MIOS: variants seen among roughly 807,000 people sequenced by gnomAD.
The protein encoded by MIOS is GATOR2 complex protein MIOS.
A neutral mutation model predicts 96.9 loss-of-function variants in MIOS; 52 were observed. That is an observed-to-expected ratio of 0.54 (90% CI 0.43 to 0.68). The LOEUF (loss-of-function observed/expected upper bound fraction) is 0.68. MIOS is among the 30% of genes least tolerant of loss of function. The pLI is 0.00. For missense variants in MIOS, 1,005 were observed against 1,052.8 expected, an observed-to-expected ratio of 0.95 and a Z score of 0.63; for synonymous variants, 397 against 359.5, an observed-to-expected ratio of 1.10 and a Z score of -1.18.
chr7:7,598,546 G>C (rs1411040728), intron 11 of MIOS, among the ~76,000 whole-genome samples: 2 of 148,976 alleles, frequency 1.3e-5, no homozygotes, highest in African/African-American at 5.2e-5. Flanking sequence ...CTAATAAACA[G>C]AAAATAACAA....
At chr7:7,594,655 G>A (rs1483480053) in intron 9 of MIOS, among the ~76,000 whole-genome samples, 2 of 152,128 alleles carry the variant, frequency 1.3e-5, no homozygotes, top group Non-Finnish European at 2.9e-5. Context: ...TTTAATTGCT[G>A]GGACAAAGGG....
Position 7,596,412 on chromosome 7 carries a change from A to G in MIOS, c.2352A>G (p.Arg784=). The G allele has an allele frequency of 1.9e-6, 3 of 1,614,128 alleles. No homozygotes were observed. The highest frequency in any genetic ancestry group is 2.5e-6 in the Non-Finnish European group (3 of 1,180,018). The change falls in exon 11 of 13, where the codon CGA becomes CGG. Residue 784 remains arginine, a synonymous_variant. Coordinates refer to ENST00000340080, the MANE Select transcript of MIOS (RefSeq NM_019005.4). ...CTGGCTGTCGAAAACCACTTCCTCG[A>G]TGTGCGCTTTGTCTCATTAATATGG... ...SCPGCRKPLP[R]CALCLINMGT...
intron 5 of MIOS, among the ~76,000 whole-genome samples, chr7:7,577,770 G>T (rs1187976380): frequency 1.3e-5 from 2 of 152,188 alleles, no homozygotes; most frequent in African/African-American, 4.8e-5. Flanking sequence ...TATGGCTGCT[G>T]TTGAGAAGGA....
intron 11 of MIOS, among the ~76,000 whole-genome samples, chr7:7,602,097 C>G (rs569931813): frequency 6.6e-6 from 1 of 152,126 alleles, no homozygotes; most frequent in Admixed American, 6.5e-5. Flanking sequence ...CTATCTATGA[C>G]ACACCCACAG....
intron 7 of MIOS, among the ~76,000 whole-genome samples, chr7:7,587,281 A>G (rs2115425699): frequency 6.6e-6 from 1 of 152,128 alleles, no homozygotes; most frequent in East Asian, 1.9e-4. Context: ...TGGCCTCCCA[A>G]AGTGCTGGGA....
Position 7,588,533 on chromosome 7 carries a change from A to G in MIOS, c.1854A>G (p.Ala618=). Reference sequence around the variant, plus strand: ...AAGTTGCAGTACGTGACAGAGTGGCATTTGCTTGTAAATTCCTTAGTGATA... The same window carrying G: ...AAGTTGCAGTACGTGACAGAGTGGCGTTTGCTTGTAAATTCCTTAGTGATA... ...ENKVAVRDRV[A]FACKFLSDTQ... Residue 618 remains alanine, a synonymous_variant, in exon 8 of 13, where the codon GCA becomes GCG. Coordinates refer to ENST00000340080, the MANE Select transcript of MIOS (RefSeq NM_019005.4). 1 of 1,594,076 alleles carries G rather than the reference A, an allele frequency of 6.3e-7. No homozygotes were observed. The highest frequency in any genetic ancestry group is 8.6e-7 in the Non-Finnish European group (1 of 1,169,058).
At chr7:7,568,967 C>T (rs11977826) in intron 3 of MIOS, among the ~76,000 whole-genome samples, 15,183 of 152,200 alleles carry the variant, frequency 0.1, 838 homozygotes, top group Middle Eastern at 0.23. Context: ...TGCTAAAACT[C>T]GTATTTTATG....
Position 7,592,083 on chromosome 7 carries a change from C to T in MIOS, c.2043+2520C>T, listed in dbSNP as rs531253185. ...GCAACCTCCACCTCCCAGGTTCAAG[C>T]ATTCGAGTGATTCTCATGCCTCAGC... On this transcript the variant is annotated intron_variant, in intron 9 of 12. Coordinates refer to ENST00000340080, the MANE Select transcript of MIOS (RefSeq NM_019005.4). Among the ~76,000 whole-genome samples, 10 of 152,062 alleles carry T rather than the reference C, an allele frequency of 6.6e-5. No homozygotes were observed. In the South Asian group the frequency reaches 2.1e-3, roughly 32 times the overall value.
chr7:7,603,755 A>G (rs1001509098), intron 11 of MIOS, among the ~76,000 whole-genome samples: 19 of 152,134 alleles, frequency 1.2e-4, no homozygotes, highest in African/African-American at 4.6e-4. Flanking sequence ...ATAAAGACAC[A>G]TGCACACGTA....
At chr7:7,606,268 C>T (rs544825946) in intron 12 of MIOS, among the ~76,000 whole-genome samples, 197 bp downstream of exon 12, 3 of 152,130 alleles carry the variant, frequency 2.0e-5, no homozygotes, top group African/African-American at 7.2e-5. Context: ...AAAGGTAATA[C>T]TTATGTAAGA....
At chr7:7,601,727 C>A (rs909141025) in intron 11 of MIOS, among the ~76,000 whole-genome samples, 5 of 152,158 alleles carry the variant, frequency 3.3e-5, no homozygotes, top group African/African-American at 1.2e-4. Context: ...TTTTATGAGG[C>A]CAGCATCATC....
At chr7:7,592,024 A>C (rs1784063140) in intron 9 of MIOS, among the ~76,000 whole-genome samples, 1 of 151,046 alleles carries the variant, frequency 6.6e-6, no homozygotes. Context: ...TGTGTCACGC[A>C]GGCTGGAGTG....
At chr7:7,575,976 C>T (rs1413586383) in intron 5 of MIOS, among the ~76,000 whole-genome samples, 2 of 151,504 alleles carry the variant, frequency 1.3e-5, no homozygotes, top group Non-Finnish European at 2.9e-5. Context: ...AGATTTCAGT[C>T]TTCTGTTTTA....
rs542369795 is a variant in MIOS, at chr7:7,568,008, T to A, written c.-138-18T>A. The A allele has an allele frequency of 8.8e-6, 1 of 113,364 alleles. No individual in the cohort carries two copies. The highest frequency in any genetic ancestry group is 2.1e-5 in the Non-Finnish European group (1 of 48,638). 7.0% of individuals were successfully genotyped at this position (113,364 alleles called of 1,614,324 possible). On this transcript the variant is annotated intron_variant, in intron 2 of 12. Coordinates refer to ENST00000340080, the MANE Select transcript of MIOS (RefSeq NM_019005.4). ...AATTTTTAAATCATATGGCTCACAC[T>A]GTATTTCTTTTGGACAGTGCTGTTG...
intron 11 of MIOS, among the ~76,000 whole-genome samples, chr7:7,603,008 G>C (rs1381638569): frequency 1.3e-5 from 2 of 151,436 alleles, no homozygotes; most frequent in East Asian, 1.9e-4. Flanking sequence ...GGGAAAACTG[G>C]CTAGCCATAT....
intron 9 of MIOS, 141 bp from the exon 10 acceptor site, chr7:7,594,839 T>C (rs1784156622): frequency 2.0e-6 from 1 of 493,486 alleles, no homozygotes; most frequent in African/African-American, 2.1e-5. Flanking sequence ...TTTTCTTTAT[T>C]CTCATTAGGA....
At chr7:7,588,722 C>T (rs1047959855) in intron 8 of MIOS, among the ~76,000 whole-genome samples, 159 bp downstream of exon 8, 4 of 151,988 alleles carry the variant, frequency 2.6e-5, no homozygotes, top group African/African-American at 9.7e-5. Context: ...TTGAAAATGT[C>T]TACCATAACT....
At chr7:7,583,869 GA>G in intron 6 of MIOS, among the ~76,000 whole-genome samples, 1 of 152,062 alleles carries the variant, frequency 6.6e-6, no homozygotes, top group East Asian at 1.9e-4. Context: ...ATTGCTTCTT[GA>G]ATCTGGTGAT....
intron 5 of MIOS, among the ~76,000 whole-genome samples, chr7:7,579,317 C>T (rs1197680845): frequency 6.6e-6 from 1 of 152,052 alleles, no homozygotes; most frequent in Non-Finnish European, 1.5e-5. Flanking sequence ...ATACAATAAC[C>T]ATGTTCTTAA....
Sources: gnomAD v4.1 joint callset for allele counts (sites outside exome capture counted in the v4.1 genomes callset) on GRCh38, gnomAD v4.1.1 for gene constraint, MANE v1.5 for transcripts, NCBI Gene and HGNC (gene_info 2026-07-23, HGNC 2026-07-21) for gene names.